The following LDLRAD4 variants were observed in gnomAD, a reference collection of about 807,000 sequenced individuals.
The protein encoded by LDLRAD4 is low-density lipoprotein receptor class A domain-containing protein 4.
Under a neutral mutation model 17.0 loss-of-function variants are expected in LDLRAD4, and 5 were observed. The ratio of observed to expected loss-of-function variants is 0.29; its 90% CI spans 0.15 to 0.62. The LOEUF (loss-of-function observed/expected upper bound fraction) is 0.62. LDLRAD4 is among the 20% of genes least tolerant of loss of function. The pLI is 0.84. For synonymous variants in LDLRAD4, 168 were observed against 171.8 expected, an observed-to-expected ratio of 0.98 and a Z score of 0.17; for missense variants, 340 against 424.7, an observed-to-expected ratio of 0.80 and a Z score of 1.75.
chr18:13,282,595 G>C (rs1163756984), intron 1 of LDLRAD4, among the ~76,000 whole-genome samples: 1 of 152,236 alleles, frequency 6.6e-6, no homozygotes, highest in Non-Finnish European at 1.5e-5. Context: ...TGATGTAAGA[G>C]GTGGCTTCCT....
rs1418544264 is a variant in LDLRAD4 at position 13,377,092 on chromosome 18, C to T, written c.-382-10249C>T. Among the ~76,000 whole-genome samples, 5 of 152,318 alleles carry T rather than the reference C, an allele frequency of 3.3e-5. No homozygotes were observed. In the East Asian group the frequency reaches 7.7e-4, roughly 24 times the overall value. ...GAAGGTGCATCGAGTCGGGACTACC[C>T]GTCAGAAGGCTTAGTGTGCCGGGCC... is the stretch of plus-strand genomic sequence containing the variant. On this transcript the variant is annotated intron_variant, in intron 1 of 5. Coordinates refer to ENST00000359446, the Ensembl canonical transcript of LDLRAD4.
At chr18:13,586,833 GCCTGGGTGACAGAGTGAGACT>G (rs1568372570) in intron 3 of LDLRAD4, among the ~76,000 whole-genome samples, 3 of 149,132 alleles carry the variant, frequency 2.0e-5, no homozygotes, top group Non-Finnish European at 4.4e-5. Flanking sequence ...GTCGCAGCCA[GCCTGGGTGACAGAGTGAGACT>G]CTGAATCTAA....
At chr18:13,489,665 T>C (rs1024732273) in intron 3 of LDLRAD4, 3 of 152,228 alleles carry the variant, frequency 2.0e-5, no homozygotes, top group African/African-American at 7.2e-5. Flanking sequence ...CCTCCAGTTA[T>C]ATGAAACTGT....
At chr18:13,457,160 T>G (rs2092181292) in intron 3 of LDLRAD4, among the ~76,000 whole-genome samples, 1 of 152,266 alleles carries the variant, frequency 6.6e-6, no homozygotes, top group Non-Finnish European at 1.5e-5. Context: ...GCCTCAGGAA[T>G]TTCTGACCGA....
Position 13,636,411 on chromosome 18 carries a change from G to A in LDLRAD4, c.337-6948G>A, listed in dbSNP as rs573746927. Among the ~76,000 whole-genome samples the A allele has an allele frequency of 2.0e-5, 3 of 149,162 alleles. No individual in the cohort carries two copies. In the South Asian group the frequency reaches 6.3e-4, roughly 31 times the overall value. On this transcript the variant is annotated intron_variant, in intron 4 of 5. Coordinates refer to ENST00000359446, the Ensembl canonical transcript of LDLRAD4. ...GTCCACTGTATTCATTCACAATACA[G>A]ATTTCATTTTAGAAAAAAAAAAAAA...
At position 13,610,265 on chromosome 18, in the gene LDLRAD4, A is replaced by ATTTT. The variant is rs1157718015; in HGVS notation, c.182-10815_182-10812dup. On this transcript the variant is annotated intron_variant, in intron 3 of 5. Transcript: ENST00000359446. ...TTCCATGAAGTTCACCAAAGCCCTA[A>ATTTT]TTTTTTTTTTTTTTTTTTTTTTTTT... 1.7e-3 allele frequency among the ~76,000 whole-genome samples: 105 copies of ATTTT among 62,510 alleles called. 28 individuals are homozygous for ATTTT. Among genetic ancestry groups the ATTTT allele is most frequent in the Non-Finnish European group, 2.3e-3 (69 of 29,690 alleles). 41.0% of individuals were successfully genotyped at this position (62,510 alleles called of 152,430 possible).
At chr18:13,378,679 AT>A (rs1167772379) in intron 1 of LDLRAD4, among the ~76,000 whole-genome samples, 3 of 152,102 alleles carry the variant, frequency 2.0e-5, no homozygotes, top group African/African-American at 7.2e-5. Flanking sequence ...CTTTCTTGAC[AT>A]TTTTTTCCTC....
At chr18:13,499,586 G>A (rs60768472) in intron 3 of LDLRAD4, among the ~76,000 whole-genome samples, 4,670 of 126,620 alleles carry the variant, frequency 0.037, 195 homozygotes, top group African/African-American at 0.13. Flanking sequence ...AATCCTTCTC[G>A]CCACACACAT....
At chr18:13,274,074 C>T (rs1336216203), upstream of LDLRAD4, among the ~76,000 whole-genome samples, 1 of 152,180 alleles carries the variant, frequency 6.6e-6, no homozygotes, top group Non-Finnish European at 1.5e-5. Flanking sequence ...CTCTCCTCAG[C>T]GAGCGGCTGT....
chr18:13,239,402 C>G (rs552616310), intron 1 of LDLRAD4: 1 of 152,284 alleles, frequency 6.6e-6, no homozygotes, highest in Non-Finnish European at 1.5e-5. Context: ...CTCCCTCTCC[C>G]TTTTCACCTA....
intron 3 of LDLRAD4, among the ~76,000 whole-genome samples, chr18:13,513,815 G>T (rs2093820293): frequency 6.6e-6 from 1 of 152,240 alleles, no homozygotes. Context: ...GTCTTTTTAA[G>T]CTTGAAACAT....
At chr18:13,345,004 A>G (rs900465458) in intron 1 of LDLRAD4, among the ~76,000 whole-genome samples, 2 of 152,154 alleles carry the variant, frequency 1.3e-5, no homozygotes, top group East Asian at 1.9e-4. Context: ...GGTTTTCTAG[A>G]TATACAGTCA....
chr18:13,554,362 G>A (rs2094463295), intron 3 of LDLRAD4, among the ~76,000 whole-genome samples: 1 of 135,714 alleles, frequency 7.4e-6, no homozygotes, highest in South Asian at 2.1e-4. Context: ...GTTTTTCTAG[G>A]TGTCAAGGGA....
intron 1 of LDLRAD4, among the ~76,000 whole-genome samples, chr18:13,224,654 A>G (rs1369055691): frequency 8.0e-5 from 12 of 149,988 alleles, no homozygotes; most frequent in Non-Finnish European, 3.0e-5. Context: ...TAATTTTTTC[A>G]TATTTTTAGT....
chr18:13,607,754 G>A (rs2095238781), intron 3 of LDLRAD4, among the ~76,000 whole-genome samples: 1 of 152,190 alleles, frequency 6.6e-6, no homozygotes. Flanking sequence ...CTTCATCCAT[G>A]TCTGTGCAAA....
Position 13,357,413 on chromosome 18 carries a change from GA to G in LDLRAD4, c.-382-29916del, listed in dbSNP as rs750833469. On this transcript the variant is annotated intron_variant, in intron 1 of 5. Coordinates refer to ENST00000359446, the Ensembl canonical transcript of LDLRAD4. ...TGTTGTAATGGATGGTTGGATGCAGGAAAAAAAAAAAAGGAAGTTTATTTGT... is the reference window on the plus strand; with the variant it reads ...TGTTGTAATGGATGGTTGGATGCAGGAAAAAAAAAAAGGAAGTTTATTTGT... Among the ~76,000 whole-genome samples, 1,055 of 141,590 alleles carry G rather than the reference GA, an allele frequency of 7.5e-3. 5 individuals are homozygous for G. The highest frequency in any genetic ancestry group is 0.011 in the Middle Eastern group (3 of 276). The allele number at this position is 141,590 out of a possible 152,430, so 92.9% of individuals were successfully genotyped here.
chr18:13,319,879 G>T (rs546901473), intron 1 of LDLRAD4, among the ~76,000 whole-genome samples: 5 of 152,268 alleles, frequency 3.3e-5, no homozygotes, highest in African/African-American at 1.2e-4. Context: ...TAAAGCTCAG[G>T]TCATGAGACA....
intron 3 of LDLRAD4, among the ~76,000 whole-genome samples, chr18:13,619,643 G>A (rs899664836): frequency 1.3e-5 from 2 of 152,144 alleles, no homozygotes; most frequent in East Asian, 1.9e-4. Flanking sequence ...GCCACTTAGC[G>A]GACAGGCCAC....
intron 3 of LDLRAD4, among the ~76,000 whole-genome samples, chr18:13,582,622 C>G (rs1431173272): frequency 6.6e-6 from 1 of 152,250 alleles, no homozygotes; most frequent in East Asian, 1.9e-4. Flanking sequence ...TGGCAGGAGG[C>G]CCACACCCTC....
Sources: gnomAD v4.1 joint callset for allele counts (sites outside exome capture counted in the v4.1 genomes callset) on GRCh38, gnomAD v4.1.1 for gene constraint, MANE v1.5 for transcripts, NCBI Gene and HGNC (gene_info 2026-07-23, HGNC 2026-07-21) for gene names.